COPB2: variants seen among roughly 807,000 people sequenced by gnomAD.
COPB2 encodes the protein coat protein complex I subunit beta 2.
A neutral mutation model predicts 120.8 loss-of-function variants in COPB2; 16 were observed. That is an observed-to-expected ratio of 0.13 (90% CI 0.09 to 0.20). The LOEUF (loss-of-function observed/expected upper bound fraction) is 0.20, where lower values mean the gene tolerates loss of function less well. Among genes scored for constraint, COPB2 ranks in the 10% least tolerant of loss-of-function variants. The pLI is 1.00. For synonymous variants in COPB2, 332 were observed against 366.3 expected (o/e 0.91, Z 1.07); for missense variants, 794 against 1,076.5 (o/e 0.74, Z 3.67).
At chr3:139,365,517 T>C (rs991967294) in intron 15 of COPB2, among the ~76,000 whole-genome samples, 1 of 152,204 alleles carries the variant, frequency 6.6e-6, no homozygotes, top group Non-Finnish European at 1.5e-5. Context: ...CTGAAGGGCA[T>C]GTTCCCCTAA....
chr3:139,373,928 A>G, intron 7 of COPB2, 120 bp from the exon 8 acceptor site: 2 of 1,202,922 alleles, frequency 1.7e-6, no homozygotes, highest in Non-Finnish European at 2.3e-6. Context: ...TGGCAGCTTA[A>G]TGACCAATTT....
intron 13 of COPB2, 95 bp from the exon 14 acceptor site, chr3:139,367,240 G>A (rs1356981643): frequency 2.3e-5 from 31 of 1,349,780 alleles, no homozygotes; most frequent in Admixed American, 7.7e-5. Flanking sequence ...GGCAGAATAA[G>A]GAATGCAAAG....
Position 139,369,426 on chromosome 3 carries a change from A to T in COPB2, c.1294+30T>A, listed in dbSNP as rs201837232. ...ATTTTTGAGCCATTACAAAGAATTT[A>T]AAAATGTATCATATGTAGATCACAC... On this transcript the variant is annotated intron_variant, in intron 11 of 21. Transcript: ENST00000333188. The T allele has an allele frequency of 2.4e-4, 383 of 1,605,470 alleles. No homozygotes were observed. The African/African-American group carries it at 4.7e-3, about 20-fold the overall frequency.
At chr3:139,383,206 TTCTGGA>T in intron 2 of COPB2, 86 bp downstream of exon 2, 1 of 1,436,144 alleles carries the variant, frequency 7.0e-7, no homozygotes, top group Non-Finnish European at 9.7e-7. Flanking sequence ...TGCATATAGA[TTCTGGA>T]TTCTGTTATA....
At chr3:139,385,680 T>C (rs1941907232) in intron 1 of COPB2, among the ~76,000 whole-genome samples, 2 of 152,184 alleles carry the variant, frequency 1.3e-5, no homozygotes, top group South Asian at 4.2e-4. Context: ...ATATGAATAG[T>C]TTATACTAGC....
chr3:139,371,337 A>G (rs1941619612), intron 10 of COPB2, among the ~76,000 whole-genome samples: 1 of 152,228 alleles, frequency 6.6e-6, no homozygotes, highest in African/African-American at 2.4e-5. Context: ...AGTAGCTCAT[A>G]AAGGGGCAGT....
chr3:139,388,404 G>T (rs1941971110), intron 1 of COPB2: 1 of 124,394 alleles, frequency 8.0e-6, no homozygotes. Flanking sequence ...TCCATGGATT[G>T]TGGGGGGGGG....
At chr3:139,384,301 C>A (rs1941871961) in intron 1 of COPB2, among the ~76,000 whole-genome samples, 3 of 152,304 alleles carry the variant, frequency 2.0e-5, no homozygotes, top group African/African-American at 7.2e-5. Context: ...CTTCTAGATG[C>A]TAACAACATC....
Position 139,367,073 on chromosome 3 carries a change from C to T in COPB2, c.1618G>A (p.Val540Met), listed in dbSNP as rs1941530919. Residue 540 changes from valine to methionine, a missense_variant, in exon 14 of 22, where the codon GTG becomes ATG. Coordinates refer to ENST00000333188, the MANE Select transcript of COPB2 (RefSeq NM_004766.3). ...CCAACATAATAATTTAATCTGTTCACAGAACTTGTGTAAATGAAGCAATCG... is the reference window on the plus strand; with the variant it reads ...CCAACATAATAATTTAATCTGTTCATAGAACTTGTGTAAATGAAGCAATCG... The part of the protein sequence containing the change: ...VGDCFIYTSS[V>M]NRLNYYVGGE... 3.1e-6 allele frequency: 5 copies of T among 1,613,834 alleles called. No homozygotes were observed. The highest frequency in any genetic ancestry group is 4.2e-6 in the Non-Finnish European group (5 of 1,179,928).
chr3:139,368,358 G>A, intron 12 of COPB2, 70 bp from the exon 13 acceptor site: 2 of 1,450,434 alleles, frequency 1.4e-6, no homozygotes, highest in Non-Finnish European at 1.9e-6. Flanking sequence ...GCACATACTT[G>A]GTTTCTTACA....
At chr3:139,357,987 G>A in intron 21 of COPB2, 29 bp from the exon 22 acceptor site, 2 of 1,346,350 alleles carry the variant, frequency 1.5e-6, no homozygotes, top group Non-Finnish European at 2.1e-6. Flanking sequence ...GGGTAATTAA[G>A]TTTTACAGTA....
At chr3:139,371,700 G>A (rs375235182) in intron 10 of COPB2, 23 bp downstream of exon 10, 3 of 1,588,806 alleles carry the variant, frequency 1.9e-6, no homozygotes, top group Non-Finnish European at 2.6e-6. Context: ...GGGCATGCTG[G>A]CTATCATACA....
chr3:139,359,100 A>G lies in COPB2; in HGVS notation c.2382T>C (p.Tyr794=), dbSNP rs749589729. ...CTTTTAATCCAGGGAACAGGTTTTC[A>G]TACTCTGTTGGGTCAGCAAGGGATT... is the stretch of plus-strand genomic sequence containing the variant. The part of the protein sequence containing the change: ...AAESLADPTE[Y]ENLFPGLKEA... Residue 794 remains tyrosine (Y), a synonymous_variant, in exon 19 of 22, where the codon TAT becomes TAC. Transcript: ENST00000333188. 44 of 1,614,036 alleles carry G rather than the reference A, an allele frequency of 2.7e-5. No homozygotes were observed. The highest frequency in any genetic ancestry group is 1.4e-4 in the South Asian group (13 of 91,086).
chr3:139,373,475 A>G, intron 8 of COPB2, 63 bp from the exon 9 acceptor site: 1 of 1,580,900 alleles, frequency 6.3e-7, no homozygotes, highest in East Asian at 2.3e-5. Flanking sequence ...AAAACAAAAC[A>G]GATTATTTTT....
intron 10 of COPB2, among the ~76,000 whole-genome samples, chr3:139,370,490 A>G (rs1006302277): frequency 1.5e-4 from 23 of 152,264 alleles, no homozygotes; most frequent in African/African-American, 5.3e-4. Context: ...CAGGAAGGGA[A>G]ACCACAGATC....
chr3:139,386,242 T>G (rs114809903), intron 1 of COPB2, among the ~76,000 whole-genome samples: 2 of 151,106 alleles, frequency 1.3e-5, no homozygotes, highest in South Asian at 4.2e-4. Context: ...TCCCTTCCTC[T>G]CTCCAATTTT....
chr3:139,374,540 A>G lies in COPB2; in HGVS notation c.700T>C (p.Cys234Arg). 1.9e-6 allele frequency: 3 copies of G among 1,614,058 alleles called. No individual in the cohort carries two copies. The highest frequency in any genetic ancestry group is 2.5e-6 in the Non-Finnish European group (3 of 1,179,938). ...GGCAACTCAGGATGAAAGCTGGCAC[A>G]AGACACATTTTGGGCATGTCCTTCC... ...TLEGHAQNVS[C>R]ASFHPELPII... The change falls in exon 7 of 22, where the codon TGT becomes CGT. Residue 234 changes from cysteine (C) to arginine (R), a missense_variant. Coordinates refer to ENST00000333188, the MANE Select transcript of COPB2 (RefSeq NM_004766.3).
At chr3:139,384,508 C>T (rs1374391551) in intron 1 of COPB2, among the ~76,000 whole-genome samples, 1 of 152,118 alleles carries the variant, frequency 6.6e-6, no homozygotes, top group Non-Finnish European at 1.5e-5. Context: ...TAAAAAATGT[C>T]GACCAAATAT....
At position 139,358,983 on chromosome 3, in the gene COPB2, A is replaced by G. The variant is rs749011752; in HGVS notation, c.2484+15T>C. 1 of 1,608,842 alleles carries G rather than the reference A, an allele frequency of 6.2e-7. No individual in the cohort carries two copies. The highest frequency in any genetic ancestry group is 8.5e-7 in the Non-Finnish European group (1 of 1,177,984). On this transcript the variant is annotated intron_variant, in intron 19 of 21. Transcript: ENST00000333188. ...GTAGTTACAATAAATGAAGCTTGAC[A>G]TCCTGGCCACTCACCGTGACAAGTG...
Sources: gnomAD v4.1 joint callset for allele counts (sites outside exome capture counted in the v4.1 genomes callset) on GRCh38, gnomAD v4.1.1 for gene constraint, MANE v1.5 for transcripts, NCBI Gene and HGNC (gene_info 2026-07-23, HGNC 2026-07-21) for gene names.